Variants in ACACB observed in about 807,000 individuals in gnomAD.
ACACB encodes acetyl-CoA carboxylase beta, also known as acetyl-CoA carboxylase 2.
A neutral mutation model predicts 278.8 loss-of-function variants in ACACB; 209 were observed. The observed-to-expected ratio is 0.75, with a 90% CI of 0.67 to 0.84. The LOEUF (loss-of-function observed/expected upper bound fraction) is 0.84. Among genes scored for constraint, ACACB ranks in the 40% least tolerant of loss-of-function variants. The pLI is 0.00. For synonymous variants in ACACB, 1,174 were observed against 1,285.6 expected (o/e 0.91, Z 1.86); for missense variants, 2,850 against 3,269.0 (o/e 0.87, Z 3.13).
intron 50 of ACACB, 101 bp from the exon 51 acceptor site, chr12:109,265,009 C>G (rs947562044): frequency 1.6e-5 from 22 of 1,338,448 alleles, no homozygotes; most frequent in Non-Finnish European, 2.2e-5. Context: ...GATCTCAGAG[C>G]CTGGGCCCAG....
chr12:109,259,554 C>A (rs1450570205), intron 47 of ACACB, among the ~76,000 whole-genome samples: 1 of 149,288 alleles, frequency 6.7e-6, no homozygotes. Flanking sequence ...CGGAGTGAGA[C>A]CCCCATCTCA....
chr12:109,251,992 G>A, intron 41 of ACACB, 54 bp from the exon 42 acceptor site: 5 of 1,370,652 alleles, frequency 3.6e-6, no homozygotes, highest in Non-Finnish European at 5.0e-6. Flanking sequence ...CCCTGCTGTG[G>A]GGGGTGGGTC....
At chr12:109,140,918 A>G (rs1358122227) in intron 2 of ACACB, among the ~76,000 whole-genome samples, 2 of 77,084 alleles carry the variant, frequency 2.6e-5, no homozygotes, top group East Asian at 1.0e-3. Context: ...TTTTTTTGAG[A>G]CAGGGTCTTA....
At chr12:109,146,245 A>G (rs1168548729) in intron 2 of ACACB, among the ~76,000 whole-genome samples, 1 of 152,212 alleles carries the variant, frequency 6.6e-6, no homozygotes, top group Non-Finnish European at 1.5e-5. Flanking sequence ...TGGAAGCCAC[A>G]GTGAAGAAGT....
Position 109,199,415 on chromosome 12 carries a change from A to T in ACACB, c.2641A>T (p.Ile881Phe). Residue 881 changes from isoleucine to phenylalanine, a missense_variant, in exon 18 of 53, where the codon ATC (isoleucine) becomes TTC (phenylalanine). Around this residue, in one of 3 missense-constraint regions of ACACB, gnomAD observed 2,265 missense variants for 2,561.3 expected, o/e 0.88. Transcript: ENST00000338432. ...KEEVDSYRIT[I>F]GNKTCVFEKE... Reference sequence around the variant, plus strand: ...CCTCTCTCCCAGTTACCGAATTACCATCGGCAATAAGACGTGTGTGTTTGA... The same window carrying T: ...CCTCTCTCCCAGTTACCGAATTACCTTCGGCAATAAGACGTGTGTGTTTGA... 6.6e-7 allele frequency: 1 copy of T among 1,510,566 alleles called. No homozygotes were observed. The highest frequency in any genetic ancestry group is 1.8e-4 in the Middle Eastern group (1 of 5,694). The allele number at this position is 1,510,566 out of a possible 1,614,324, so 93.6% of individuals were successfully genotyped here.
intron 21 of ACACB, among the ~76,000 whole-genome samples, chr12:109,212,279 C>T (rs1047622894): frequency 4.0e-5 from 6 of 151,874 alleles, no homozygotes; most frequent in African/African-American, 7.3e-5. Context: ...CACCAGGGAC[C>T]GGTTTTGTGG....
At chr12:109,128,052 C>T (rs565554891) in intron 1 of ACACB, among the ~76,000 whole-genome samples, 2 of 152,302 alleles carry the variant, frequency 1.3e-5, no homozygotes, top group Non-Finnish European at 2.9e-5. Context: ...AGTCCCAGTG[C>T]AGATGCTCTT....
Position 109,254,430 on chromosome 12 carries a change from G to GAGCACTTTGTCT in ACACB, c.6166+96_6166+97insAGCACTTTGTCT, listed in dbSNP as rs2047173969. ...TTTGTCTCAAGCGCTTGAGACAAAG[G>GAGCACTTTGTCT]CTTGATATTCGTTCTCATATCCCAG... is the stretch of plus-strand genomic sequence containing the variant. On this transcript the variant is annotated intron_variant, in intron 44 of 52. Transcript: ENST00000338432. 43 of 1,244,930 alleles carry GAGCACTTTGTCT rather than the reference G, an allele frequency of 3.5e-5. No individual in the cohort carries two copies. In the African/African-American group the frequency reaches 4.9e-4, roughly 14 times the overall value. 77.1% of individuals were successfully genotyped at this position (1,244,930 alleles called of 1,614,324 possible). A position where few individuals can be genotyped will look rare whatever the true frequency, so the allele number is the denominator to read the frequency against.
At chr12:109,244,156 C>A (rs1258919248) in intron 37 of ACACB, among the ~76,000 whole-genome samples, 1 of 152,110 alleles carries the variant, frequency 6.6e-6, no homozygotes, top group African/African-American at 2.4e-5. Flanking sequence ...AACAACAACC[C>A]CATCAACAAG....
At chr12:109,216,999 T>C in intron 24 of ACACB, 79 bp downstream of exon 24, 1 of 1,526,222 alleles carries the variant, frequency 6.6e-7, no homozygotes, top group Non-Finnish European at 8.8e-7. Context: ...GGCCAGAAAG[T>C]GGCTGGGTGC....
intron 44 of ACACB, 118 bp downstream of exon 44, chr12:109,254,452 C>A (rs1299059794): frequency 2.0e-6 from 2 of 1,021,178 alleles, no homozygotes; most frequent in Non-Finnish European, 2.8e-6. Context: ...TTCTCATATC[C>A]CAGAGAGGTA....
chr12:109,184,948 G>T (rs777167025), intron 11 of ACACB, among the ~76,000 whole-genome samples: 4 of 152,116 alleles, frequency 2.6e-5, no homozygotes, highest in African/African-American at 4.8e-5. Context: ...CTAGGCTCAA[G>T]CGATCTGCCT....
At chr12:109,249,278 T>G (rs1436765010) in intron 40 of ACACB, 1 of 152,204 alleles carries the variant, frequency 6.6e-6, no homozygotes, top group Non-Finnish European at 1.5e-5. Context: ...GTATTCTTCC[T>G]GCGCTCAGTA....
At chr12:109,243,036 T>C (rs2136683496) in intron 37 of ACACB, among the ~76,000 whole-genome samples, 1 of 152,330 alleles carries the variant, frequency 6.6e-6, no homozygotes, top group Middle Eastern at 3.4e-3. Context: ...CATAGTATTT[T>C]TCTCCAAATA....
intron 9 of ACACB, 99 bp from the exon 10 acceptor site, chr12:109,178,989 A>C: frequency 9.0e-7 from 1 of 1,114,314 alleles, no homozygotes; most frequent in East Asian, 2.6e-5. Flanking sequence ...TACCCTAAAC[A>C]CATCACTGCG....
At chr12:109,252,010 A>G in intron 41 of ACACB, 36 bp from the exon 42 acceptor site, 1 of 1,533,722 alleles carries the variant, frequency 6.5e-7, no homozygotes, top group Non-Finnish European at 8.9e-7. Context: ...GTCCCTCGCC[A>G]CTCTCCAGAA....
intron 27 of ACACB, among the ~76,000 whole-genome samples, chr12:109,226,802 AGAT>A (rs1400815181): frequency 6.6e-6 from 1 of 152,136 alleles, no homozygotes; most frequent in Non-Finnish European, 1.5e-5. Context: ...GTTGCAGCCA[AGAT>A]GATATGTCCC....
chr12:109,254,242 C>T lies in ACACB; in HGVS notation c.6074C>T (p.Thr2025Ile). 6.2e-7 allele frequency: 1 copy of T among 1,613,910 alleles called. No individual in the cohort carries two copies. Among genetic ancestry groups the T allele is most frequent in the Non-Finnish European group, 8.5e-7 (1 of 1,179,878 alleles). Residue 2025 changes from threonine to isoleucine, a missense_variant, in exon 44 of 53, where the codon ACA becomes ATA. By Grantham distance (89) the Thr-to-Ile change is moderately conservative. This residue lies in a region of ACACB where 579 missense variants were observed against 684.6 expected (regional missense o/e 0.85). Coordinates refer to ENST00000338432, the MANE Select transcript of ACACB (RefSeq NM_001093.4). ...AATCACAGCCCTGTCCCTATCATCA[C>T]ACCCACTGACCCCATTGACAGAGAA... The part of the protein sequence containing the change: ...KDNHSPVPII[T>I]PTDPIDREIE...
intron 48 of ACACB, among the ~76,000 whole-genome samples, chr12:109,261,391 C>T (rs1176054068): frequency 6.6e-6 from 1 of 152,124 alleles, no homozygotes; most frequent in Non-Finnish European, 1.5e-5. Context: ...CACTTAGACC[C>T]TTGTTAGGGA....
Sources: gnomAD v4.1 joint callset for allele counts (sites outside exome capture counted in the v4.1 genomes callset) on GRCh38, gnomAD v4.1.1 for gene constraint, gnomAD v4.1.1 regional missense constraint, MANE v1.5 for transcripts, NCBI Gene and HGNC (gene_info 2026-07-23, HGNC 2026-07-21) for gene names.